KIF6: variants seen among roughly 807,000 people sequenced by gnomAD.
KIF6 encodes kinesin family member 6.
In KIF6, 106 loss-of-function variants were observed where a neutral mutation model predicts 112.7. The observed-to-expected ratio is 0.94, with a 90% CI of 0.80 to 1.11. The LOEUF (loss-of-function observed/expected upper bound fraction) is 1.11, where lower values mean the gene tolerates loss of function less well. Ranked by LOEUF, KIF6 falls within the 50% of genes least tolerant of loss-of-function variation. The pLI, the probability that KIF6 is intolerant of heterozygous loss-of-function variation, is 0.00. For missense variants in KIF6, 929 were observed against 964.0 expected (o/e 0.96, Z 0.48); for synonymous variants, 339 against 339.9 (o/e 1.00, Z 0.03).
At chr6:39,597,783 G>A (rs1782353292) in intron 6 of KIF6, among the ~76,000 whole-genome samples, 1 of 152,148 alleles carries the variant, frequency 6.6e-6, no homozygotes, top group South Asian at 2.1e-4. Flanking sequence ...AATCCAAAAT[G>A]TAAAAACTTC....
chr6:39,569,802 CCTGT>C (rs1780543519), intron 10 of KIF6, among the ~76,000 whole-genome samples: 2 of 152,338 alleles, frequency 1.3e-5, no homozygotes, highest in South Asian at 4.1e-4. Context: ...GACATCTTCC[CCTGT>C]CTGTGGCACA....
chr6:39,380,818 C>CACAGATACAGTGGATACAGTGGA, intron 16 of KIF6, among the ~76,000 whole-genome samples: 1 of 152,190 alleles, frequency 6.6e-6, no homozygotes, highest in Non-Finnish European at 1.5e-5. Flanking sequence ...ATACAGATCA[C>CACAGATACAGTGGATACAGTGGA]TTCAAAAGCA....
chr6:39,653,816 G>A (rs78384050), intron 3 of KIF6, among the ~76,000 whole-genome samples: 103 of 152,238 alleles, frequency 6.8e-4, no homozygotes, highest in African/African-American at 2.5e-3. Context: ...GTAGGATGCC[G>A]GTGGGGGGTA....
chr6:39,686,966 A>G (rs919141859), intron 3 of KIF6, among the ~76,000 whole-genome samples: 25 of 152,198 alleles, frequency 1.6e-4, no homozygotes, highest in Non-Finnish European at 2.9e-4. Flanking sequence ...GTATTTTAGC[A>G]TGAAGAAATG....
intron 13 of KIF6, among the ~76,000 whole-genome samples, chr6:39,536,139 T>C (rs2150554059): frequency 6.7e-6 from 1 of 150,118 alleles, no homozygotes; most frequent in African/African-American, 2.5e-5. Context: ...CACCCTAACA[T>C]CACAATTAAA....
rs1765417158 is a variant in KIF6 at position 39,364,515 on chromosome 6, C to T, written c.1862-1997G>A. Among the ~76,000 whole-genome samples the T allele has an allele frequency of 5.3e-5, 8 of 152,154 alleles. No individual in the cohort carries two copies. The South Asian group carries it at 1.7e-3, about 31-fold the overall frequency. ...TTTATCTTAAGTGTGAAGGCTAGGT[C>T]TTGACATAATACTTCCATGGGTCTG... On this transcript the variant is annotated intron_variant, in intron 16 of 22. Coordinates refer to ENST00000287152, the MANE Select transcript of KIF6 (RefSeq NM_145027.6).
chr6:39,519,651 T>C (rs1777269549), intron 13 of KIF6, among the ~76,000 whole-genome samples: 1 of 148,422 alleles, frequency 6.7e-6, no homozygotes, highest in Non-Finnish European at 1.5e-5. Context: ...ACCTGCCATG[T>C]CTGGTGTTAA....
chr6:39,463,852 G>C (rs967632304), intron 13 of KIF6, among the ~76,000 whole-genome samples: 2 of 152,090 alleles, frequency 1.3e-5, no homozygotes, highest in Non-Finnish European at 2.9e-5. Flanking sequence ...AACCAAATAA[G>C]TTGGCTTGCT....
At chr6:39,396,716 G>C (rs1461977473) in intron 15 of KIF6, among the ~76,000 whole-genome samples, 1 of 152,088 alleles carries the variant, frequency 6.6e-6, no homozygotes, top group African/African-American at 2.4e-5. Flanking sequence ...GCAAGAATTA[G>C]ACCCAAGGTA....
intron 22 of KIF6, among the ~76,000 whole-genome samples, chr6:39,337,212 T>TTTCTTTCTTTCA (rs1763055390): frequency 2.7e-5 from 3 of 109,586 alleles, no homozygotes; most frequent in Non-Finnish European, 4.9e-5. Context: ...TCTTTCTTTC[T>TTTCTTTCTTTCA]TTCTTTCTTT....
chr6:39,518,947 T>A (rs1352594609), intron 13 of KIF6, among the ~76,000 whole-genome samples: 1 of 152,242 alleles, frequency 6.6e-6, no homozygotes, highest in Non-Finnish European at 1.5e-5. Flanking sequence ...ATGCTCATCA[T>A]GCAGTGAAGA....
At chr6:39,443,154 AAT>A (rs1491262282) in intron 13 of KIF6, among the ~76,000 whole-genome samples, 242 of 112,950 alleles carry the variant, frequency 2.1e-3, no homozygotes, top group South Asian at 6.4e-3. Flanking sequence ...TAATAATAAT[AAT>A]AATAAATAAA....
rs1410389684 is a variant in KIF6 at position 39,330,176 on chromosome 6, G to C, written c.*6356C>G. The C allele has an allele frequency of 6.6e-6, 1 of 152,158 alleles. No homozygotes were observed. Among genetic ancestry groups the C allele is most frequent in the Non-Finnish European group, 1.5e-5 (1 of 68,014 alleles). The allele number at this position is 152,158 out of a possible 1,614,324, so 9.4% of individuals were successfully genotyped here. A position where few individuals can be genotyped will look rare whatever the true frequency, so the allele number is the denominator to read the frequency against. ...TCATCAGGCTGCTTTCCTGGAACCA[G>C]GGACTGACTAGGAAGCCCTAAAACA... On this transcript the variant is annotated 3_prime_UTR_variant, in exon 23 of 23. Transcript: ENST00000287152.
At chr6:39,572,958 A>C (rs1780725714) in intron 10 of KIF6, among the ~76,000 whole-genome samples, 1 of 150,512 alleles carries the variant, frequency 6.6e-6, no homozygotes, top group Admixed American at 6.7e-5. Context: ...AAAAAATCTG[A>C]TAGGGCTAGT....
chr6:39,444,884 AC>A (rs1562223041), intron 13 of KIF6, among the ~76,000 whole-genome samples: 1 of 152,038 alleles, frequency 6.6e-6, no homozygotes, highest in Non-Finnish European at 1.5e-5. Context: ...GTGGACCAAA[AC>A]CCATCAATTT....
At chr6:39,634,140 T>C (rs1016522511) in intron 5 of KIF6, among the ~76,000 whole-genome samples, 1 of 152,138 alleles carries the variant, frequency 6.6e-6, no homozygotes, top group African/African-American at 2.4e-5. Context: ...GAGTATTTAA[T>C]AAGAATATAA....
chr6:39,547,825 C>A (rs892541113), intron 10 of KIF6, among the ~76,000 whole-genome samples: 1 of 152,152 alleles, frequency 6.6e-6, no homozygotes, highest in African/African-American at 2.4e-5. Flanking sequence ...ATATTCCATA[C>A]TATGGATGTA....
At chr6:39,434,409 A>G (rs561949909) in intron 13 of KIF6, among the ~76,000 whole-genome samples, 5 of 146,322 alleles carry the variant, frequency 3.4e-5, no homozygotes, top group African/African-American at 1.2e-4. Flanking sequence ...CTAAAATACA[A>G]AAAAAAAAAA....
intron 13 of KIF6, among the ~76,000 whole-genome samples, chr6:39,440,114 G>C (rs1382459390): frequency 2.0e-5 from 3 of 152,062 alleles, no homozygotes. Context: ...AGACCAGCAG[G>C]GGACGATGAA....
Sources: allele counts gnomAD v4.1 joint callset (sites outside exome capture counted in the v4.1 genomes callset), GRCh38; gene constraint gnomAD v4.1.1; transcripts MANE v1.5; gene names NCBI Gene and HGNC (gene_info 2026-07-23, HGNC 2026-07-21).